DMC1: variants seen among roughly 807,000 people sequenced by gnomAD.
DMC1 encodes DNA meiotic recombinase 1.
In DMC1, 27 loss-of-function variants were observed where a neutral mutation model predicts 50.1. The observed-to-expected ratio is 0.54, with a 90% CI of 0.40 to 0.74. The LOEUF is 0.74. Among genes scored for constraint, DMC1 ranks in the 30% least tolerant of loss-of-function variants. The pLI is 0.00. For missense variants in DMC1, 295 were observed against 420.2 expected, an observed-to-expected ratio of 0.70 and a Z score of 2.60; for synonymous variants, 148 against 136.1, an observed-to-expected ratio of 1.09 and a Z score of -0.61.
intron 12 of DMC1, among the ~76,000 whole-genome samples, chr22:38,524,134 G>T (rs904604700): frequency 6.6e-6 from 1 of 152,186 alleles, no homozygotes; most frequent in Admixed American, 6.5e-5. Flanking sequence ...ATAAGGGCTT[G>T]GCCGGGCACA....
At chr22:38,510,269 C>A in the DMC1 span, among the ~76,000 whole-genome samples, 1 of 152,086 alleles carries the variant, frequency 6.6e-6, no homozygotes, top group Non-Finnish European at 1.5e-5. Flanking sequence ...GCCTGGCCAA[C>A]ATGGTGAAAC....
chr22:38,512,684 C>T, the DMC1 span, among the ~76,000 whole-genome samples: 1 of 152,150 alleles, frequency 6.6e-6, no homozygotes, highest in Non-Finnish European at 1.5e-5. Context: ...TTCTCCAGTC[C>T]CTGAAGGCGG....
intron 12 of DMC1, among the ~76,000 whole-genome samples, chr22:38,528,614 T>C (rs923897420): frequency 6.6e-6 from 1 of 151,836 alleles, no homozygotes. Flanking sequence ...GGTGAAACCC[T>C]ATCTGTACAA....
At chr22:38,552,913 T>G (rs1267032499) in intron 6 of DMC1, among the ~76,000 whole-genome samples, 1 of 151,788 alleles carries the variant, frequency 6.6e-6, no homozygotes, top group Non-Finnish European at 1.5e-5. Flanking sequence ...AGTGGCACGA[T>G]CTCAGCTCAC....
chr22:38,548,785 T>C (rs1407292160), intron 8 of DMC1, among the ~76,000 whole-genome samples: 1 of 151,516 alleles, frequency 6.6e-6, no homozygotes, highest in Non-Finnish European at 1.5e-5. Flanking sequence ...GAGGTTGCAG[T>C]GAGTTGAGAC....
intron 4 of DMC1, among the ~76,000 whole-genome samples, chr22:38,562,603 C>G (rs1472204347): frequency 6.6e-6 from 1 of 152,022 alleles, no homozygotes; most frequent in African/African-American, 2.4e-5. Context: ...ATGGAGTAAA[C>G]TACTTAATCT....
chr22:38,557,211 G>A (rs1181526210), intron 5 of DMC1, among the ~76,000 whole-genome samples: 2 of 152,050 alleles, frequency 1.3e-5, no homozygotes, highest in Non-Finnish European at 2.9e-5. Flanking sequence ...CAAAATTCCT[G>A]GTTGATATGT....
At chr22:38,545,043 C>G (rs991315075) in intron 8 of DMC1, among the ~76,000 whole-genome samples, 1 of 152,134 alleles carries the variant, frequency 6.6e-6, no homozygotes, top group African/African-American at 2.4e-5. Flanking sequence ...CACTGATCAT[C>G]AGAGAAATGC....
At chr22:38,537,915 C>T (rs543364339) in intron 11 of DMC1, among the ~76,000 whole-genome samples, 6 of 152,052 alleles carry the variant, frequency 3.9e-5, no homozygotes, top group Admixed American at 2.0e-4. Context: ...GAGGCTGAGG[C>T]GGACAGATCA....
At chr22:38,529,000 T>C (rs2090126294) in intron 12 of DMC1, among the ~76,000 whole-genome samples, 1 of 151,972 alleles carries the variant, frequency 6.6e-6, no homozygotes, top group South Asian at 2.1e-4. Context: ...TTAATTTTCT[T>C]CTATTTCTTT....
At chr22:38,546,090 T>C (rs892890420) in intron 8 of DMC1, 1 of 152,290 alleles carries the variant, frequency 6.6e-6, no homozygotes, top group Non-Finnish European at 1.5e-5. Flanking sequence ...CTATTGTTCT[T>C]AGTAAAATCC....
chr22:38,556,054 A>C (rs2145967583), intron 5 of DMC1, among the ~76,000 whole-genome samples: 1 of 151,990 alleles, frequency 6.6e-6, no homozygotes, highest in Middle Eastern at 3.4e-3. Flanking sequence ...TTGGTCTCGA[A>C]CTCCTGACCT....
In DMC1 at chr22:38,568,197, T is replaced by G. The variant is rs1232051780; in HGVS notation, c.51+9A>C. 2.5e-6 allele frequency: 4 copies of G among 1,613,462 alleles called. No individual in the cohort carries two copies. Among genetic ancestry groups the G allele is most frequent in the Non-Finnish European group, 3.4e-6 (4 of 1,179,452 alleles). Reference sequence around the variant, plus strand: ...AATGTCTATATATCTTTCAACATTTTAGTCATACCTCTTCATCTTGGAATC... The same window carrying G: ...AATGTCTATATATCTTTCAACATTTGAGTCATACCTCTTCATCTTGGAATC... On this transcript the variant is annotated intron_variant, in intron 2 of 13. Coordinates refer to ENST00000216024, the MANE Select transcript of DMC1 (RefSeq NM_007068.4).
chr22:38,562,887 C>A (rs1023022783), intron 4 of DMC1, among the ~76,000 whole-genome samples: 44 of 152,110 alleles, frequency 2.9e-4, no homozygotes, highest in African/African-American at 9.7e-4. Context: ...CCTGCCTCAG[C>A]CTCCCAAGTA....
chr22:38,511,550 A>G, the DMC1 span, among the ~76,000 whole-genome samples: 1 of 152,030 alleles, frequency 6.6e-6, no homozygotes, highest in Non-Finnish European at 1.5e-5. Flanking sequence ...TGCTTGCCCC[A>G]CTGCACTCCA....
In DMC1 at chr22:38,543,378, C is replaced by T. The variant is rs183349963; in HGVS notation, c.495-3966G>A. Among the ~76,000 whole-genome samples the T allele has an allele frequency of 3.7e-3, 562 of 152,084 alleles. 4 individuals carry two copies. The highest frequency in any genetic ancestry group is 0.013 in the African/African-American group (527 of 41,486). On this transcript the variant is annotated intron_variant, in intron 8 of 13. Transcript: ENST00000216024. ...CTGAGTAGCTGCGACTACAGGTGCC[C>T]GCCACCATGCCCGGCTAATTTTTTG...
Position 38,568,306 on chromosome 22 carries a change from T to C in DMC1, c.-33-17A>G, listed in dbSNP as rs562526938. 3.1e-5 allele frequency: 49 copies of C among 1,586,448 alleles called. 3 individuals carry two copies. The South Asian group carries it at 5.3e-4, about 17-fold the overall frequency. On this transcript the variant is annotated splice_polypyrimidine_tract_variant and intron_variant, in intron 1 of 13. Transcript: ENST00000216024. The stretch of plus-strand genomic sequence containing the variant: ...TAATCACTTCTGGGAAAATAAGAAA[T>C]ATTATGTAAGAAGTAGTCCTTTGTC...
chr22:38,560,004 CA>C (rs979934749), intron 5 of DMC1, among the ~76,000 whole-genome samples: 1 of 149,812 alleles, frequency 6.7e-6, no homozygotes, highest in African/African-American at 2.5e-5. Flanking sequence ...GGTGACAGAG[CA>C]AGACTCCGTC....
rs1555930286 is a variant in DMC1, at chr22:38,521,576, C to CACAA, written c.953+31_953+32insTTGT. The CACAA allele has an allele frequency of 4.9e-5, 63 of 1,294,864 alleles. 4 individuals are homozygous for CACAA. The African/African-American group carries it at 6.9e-4, about 14-fold the overall frequency. 80.2% of individuals were successfully genotyped at this position (1,294,864 alleles called of 1,614,324 possible). A position where few individuals can be genotyped will look rare whatever the true frequency, so the allele number is the denominator to read the frequency against. On this transcript the variant is annotated intron_variant, in intron 13 of 13. Coordinates refer to ENST00000216024, the MANE Select transcript of DMC1 (RefSeq NM_007068.4). ...ACACACACACACACACACACACACA[C>CACAA]ACACACACACACAAAATAAAAAAAA...
Sources: gnomAD v4.1 joint callset for allele counts (sites outside exome capture counted in the v4.1 genomes callset) on GRCh38, gnomAD v4.1.1 for gene constraint, MANE v1.5 for transcripts, NCBI Gene and HGNC (gene_info 2026-07-23, HGNC 2026-07-21) for gene names.